The following FRYL variants were observed in gnomAD, a reference collection of about 807,000 sequenced individuals.
The protein encoded by FRYL is FRY like transcription coactivator.
Under a neutral mutation model 351.2 loss-of-function variants are expected in FRYL, and 150 were observed. The ratio of observed to expected loss-of-function variants is 0.43; its 90% CI spans 0.37 to 0.49. FRYL has a LOEUF of 0.49. Among genes scored for constraint, FRYL ranks in the 20% least tolerant of loss-of-function variants. The probability of loss-of-function intolerance (pLI) is 0.00; values close to 1 mark genes in which losing one functional copy is unlikely to be tolerated. For missense variants in FRYL, 3,036 were observed against 3,619.3 expected, an observed-to-expected ratio of 0.84 and a Z score of 4.13; for synonymous variants, 1,153 against 1,257.1, an observed-to-expected ratio of 0.92 and a Z score of 1.75.
rs1734262050 is a variant in FRYL at position 48,557,028 on chromosome 4, A to G, written c.4216T>C (p.Phe1406Leu). Residue 1406 changes from phenylalanine to leucine, a missense_variant, in exon 35 of 64, where the codon TTT becomes CTT. Physicochemically the swap from Phe to Leu is conservative, Grantham distance 22 (BLOSUM62 0). Coordinates refer to ENST00000358350, the MANE Select transcript of FRYL (RefSeq NM_015030.2). Reference protein sequence around the residue: ...WPKNLKIILHFLISICGVNSE... With the variant: ...WPKNLKIILHLLISICGVNSE... ...TTCACCCCACAAATGCTGATCAAAAAGTGCAAAATTATTTTCAGGTTTTTG... is the reference window on the plus strand; with the variant it reads ...TTCACCCCACAAATGCTGATCAAAAGGTGCAAAATTATTTTCAGGTTTTTG... 6.2e-7 allele frequency: 1 copy of G among 1,609,124 alleles called. No individual in the cohort carries two copies. The highest frequency in any genetic ancestry group is 8.5e-7 in the Non-Finnish European group (1 of 1,177,536).
In FRYL at chr4:48,647,094, A is replaced by G. The variant is rs550506491; in HGVS notation, c.-80-12604T>C. The stretch of plus-strand genomic sequence containing the variant: ...AAGTTTGATAAGGAAAGGCTCAGGA[A>G]AGAAGAGATACCAATAATTACAGAT... On this transcript the variant is annotated intron_variant, in intron 3 of 63. Coordinates refer to ENST00000358350, the MANE Select transcript of FRYL (RefSeq NM_015030.2). Among the ~76,000 whole-genome samples, 67 of 152,320 alleles carry G rather than the reference A, an allele frequency of 4.4e-4. 1 individual carries two copies. Among genetic ancestry groups the G allele is most frequent in the African/African-American group, 1.6e-3 (67 of 41,578 alleles).
intron 1 of FRYL, among the ~76,000 whole-genome samples, chr4:48,777,257 T>C (rs1776120183): frequency 6.6e-6 from 1 of 152,244 alleles, no homozygotes; most frequent in Non-Finnish European, 1.5e-5. Flanking sequence ...ACAGATATTA[T>C]AAACAAATCA....
Position 48,499,382 on chromosome 4 carries a change from C to T in FRYL, c.*40G>A. 6.3e-7 allele frequency: 1 copy of T among 1,588,774 alleles called. No individual in the cohort carries two copies. The highest frequency in any genetic ancestry group is 8.6e-7 in the Non-Finnish European group (1 of 1,159,240). On this transcript the variant is annotated 3_prime_UTR_variant, in exon 64 of 64. Transcript: ENST00000358350. ...AAGGTGCTTGGTTAATATTCTTCAT[C>T]ATCTTCAGTTTAGTTTCTTTCCTAA...
At chr4:48,605,412 TG>T (rs1404944960) in intron 11 of FRYL, among the ~76,000 whole-genome samples, 1 of 152,228 alleles carries the variant, frequency 6.6e-6, no homozygotes, top group Non-Finnish European at 1.5e-5. Context: ...TTTTTCAACA[TG>T]TAATACATTT....
intron 27 of FRYL, among the ~76,000 whole-genome samples, chr4:48,570,106 A>G (rs1045960155): frequency 6.6e-6 from 1 of 152,058 alleles, no homozygotes; most frequent in African/African-American, 2.4e-5. Flanking sequence ...GAGCCACTGC[A>G]CCTAGTCCAT....
chr4:48,580,073 G>GA, intron 22 of FRYL, among the ~76,000 whole-genome samples: 1 of 150,850 alleles, frequency 6.6e-6, no homozygotes, highest in African/African-American at 2.4e-5. Context: ...CATGGCGGGG[G>GA]GGAATTGTAC....
chr4:48,514,896 C>T lies in FRYL; in HGVS notation c.7937+132G>A. The T allele has an allele frequency of 7.9e-6, 6 of 758,796 alleles. No individual in the cohort carries two copies. In the Admixed American group the frequency reaches 1.7e-4, roughly 22 times the overall value. The allele number at this position is 758,796 out of a possible 1,614,324, so 47.0% of individuals were successfully genotyped here. Reference sequence around the variant, plus strand: ...GATAGTATGATTCTAGACTAAAACACACAAAGTATGATTACAGACTGAAAC... The same window carrying T: ...GATAGTATGATTCTAGACTAAAACATACAAAGTATGATTACAGACTGAAAC... On this transcript the variant is annotated intron_variant, in intron 56 of 63. Transcript: ENST00000358350.
intron 47 of FRYL, among the ~76,000 whole-genome samples, chr4:48,538,706 G>GA (rs1406376780): frequency 1.3e-5 from 2 of 151,280 alleles, no homozygotes; most frequent in Non-Finnish European, 2.9e-5. Context: ...CTCTTCTGTA[G>GA]AAAAAAACTT....
chr4:48,579,064 T>A lies in FRYL; in HGVS notation c.2437A>T (p.Asn813Tyr), dbSNP rs1391509455. The A allele has an allele frequency of 6.2e-7, 1 of 1,613,916 alleles. No homozygotes were observed. Residue 813 changes from asparagine to tyrosine, a missense_variant, in exon 23 of 64, where the codon AAT (asparagine) becomes TAT (tyrosine). This residue lies in a region of FRYL where 492 missense variants were observed against 551.5 expected (regional missense o/e 0.89). Transcript: ENST00000358350. ...GCTGTAGAGCAGTGTTTAGGAAGAT[T>A]TTCTTGCTTTAAAAAACTGGAGAGA... ...ISLSSFLKQE[N>Y]LPKHCSTAVS...
intron 7 of FRYL, among the ~76,000 whole-genome samples, chr4:48,610,679 TATATATTATATAC>T (rs1166536161): frequency 3.2e-4 from 47 of 145,964 alleles, no homozygotes; most frequent in Admixed American, 2.2e-3. Context: ...TATATTATAT[TATATATTATATAC>T]ATATATTATA....
At chr4:48,509,094 T>C (rs1328169901) in intron 59 of FRYL, among the ~76,000 whole-genome samples, 1 of 152,116 alleles carries the variant, frequency 6.6e-6, no homozygotes, top group East Asian at 1.9e-4. Context: ...ACCATAACCA[T>C]GATGGAAAAG....
chr4:48,734,877 A>C (rs1161619556), intron 1 of FRYL, among the ~76,000 whole-genome samples: 1 of 152,150 alleles, frequency 6.6e-6, no homozygotes, highest in Admixed American at 6.5e-5. Context: ...CTAGAAGAAA[A>C]CCTAGGCATT....
At chr4:48,582,079 T>C (rs1164802705) in intron 20 of FRYL, among the ~76,000 whole-genome samples, 1 of 152,208 alleles carries the variant, frequency 6.6e-6, no homozygotes, top group East Asian at 1.9e-4. Context: ...GATTTACACA[T>C]TATCATAAAT....
chr4:48,565,378 T>C (rs1736548481), intron 29 of FRYL, among the ~76,000 whole-genome samples, 153 bp downstream of exon 29: 2 of 152,216 alleles, frequency 1.3e-5, no homozygotes, highest in South Asian at 2.1e-4. Context: ...TTGTATTTTA[T>C]GTATTTAAAT....
intron 2 of FRYL, among the ~76,000 whole-genome samples, chr4:48,687,507 T>TG (rs1560861172): frequency 2.7e-4 from 3 of 11,160 alleles, no homozygotes; most frequent in Admixed American, 1.1e-3. Context: ...GGGGGGGGGG[T>TG]GAGGGGGGAG....
intron 1 of FRYL, among the ~76,000 whole-genome samples, chr4:48,752,062 G>A (rs1773303395): frequency 6.6e-6 from 1 of 152,104 alleles, no homozygotes; most frequent in East Asian, 1.9e-4. Flanking sequence ...GGGTGTGGGG[G>A]ATTTGCCATA....
intron 2 of FRYL, among the ~76,000 whole-genome samples, chr4:48,697,274 C>T (rs1766289226): frequency 6.6e-6 from 1 of 151,880 alleles, no homozygotes. Flanking sequence ...AATTTCCATT[C>T]TTTTGAGGTT....
Position 48,535,757 on chromosome 4 carries a change from G to A in FRYL, c.6464C>T (p.Thr2155Met), listed in dbSNP as rs773181972. The A allele has an allele frequency of 1.0e-5, 16 of 1,606,320 alleles. 1 individual carries two copies. Among genetic ancestry groups the A allele is most frequent in the Middle Eastern group, 1.6e-4 (1 of 6,062 alleles). ...AHMMSLYSTHTYSRDCSNWIN... is the reference protein window; with the variant it reads ...AHMMSLYSTHMYSRDCSNWIN... ...CCAGTTAGAACAGTCTCTGGAATAC[G>A]TGTGTGTACTGTACAAACTCATCAT... Residue 2155 changes from threonine (T) to methionine (M), a missense_variant, in exon 48 of 64, where the codon ACG becomes ATG. Physicochemically the swap from Thr to Met is moderately conservative, Grantham distance 81. Transcript: ENST00000358350.
chr4:48,550,775 C>T lies in FRYL; in HGVS notation c.4521-71G>A. The T allele has an allele frequency of 3.4e-6, 4 of 1,166,636 alleles. No individual in the cohort carries two copies. In the African/African-American group the frequency reaches 4.5e-5, roughly 13 times the overall value. 72.3% of individuals were successfully genotyped at this position (1,166,636 alleles called of 1,614,324 possible). A position where few individuals can be genotyped will look rare whatever the true frequency, so the allele number is the denominator to read the frequency against. ...GTATTTATACTTTATGTTTCACTTT[C>T]TCTGTTTAAAAAAGGAGGACGGACG... On this transcript the variant is annotated intron_variant, in intron 37 of 63. Coordinates refer to ENST00000358350, the MANE Select transcript of FRYL (RefSeq NM_015030.2).
Sources: gnomAD v4.1 joint callset for allele counts (sites outside exome capture counted in the v4.1 genomes callset) on GRCh38, gnomAD v4.1.1 for gene constraint, gnomAD v4.1.1 regional missense constraint, MANE v1.5 for transcripts, NCBI Gene and HGNC (gene_info 2026-07-23, HGNC 2026-07-21) for gene names.